ATP7A: variants seen among roughly 807,000 people sequenced by gnomAD.
ATP7A encodes the protein ATPase copper transporting alpha.
A neutral mutation model predicts 83.5 loss-of-function variants in ATP7A; 7 were observed. That is an observed-to-expected ratio of 0.08 (90% CI 0.05 to 0.16). The LOEUF (loss-of-function observed/expected upper bound fraction) is 0.16, where lower values mean the gene tolerates loss of function less well. Among genes scored for constraint, ATP7A ranks in the 10% least tolerant of loss-of-function variants. The pLI is 1.00. For missense variants in ATP7A, 940 were observed against 1,120.8 expected, an observed-to-expected ratio of 0.84 and a Z score of 2.30; for synonymous variants, 354 against 395.2, an observed-to-expected ratio of 0.90 and a Z score of 1.24.
intron 1 of ATP7A, among the ~76,000 whole-genome samples, chrX:77,920,280 A>T (rs1204212332): frequency 1.9e-5 from 2 of 102,846 alleles, no homozygotes; most frequent in Non-Finnish European, 4.0e-5. Flanking sequence ...CAGTGGTGTG[A>T]TCTCGGCTCA....
At chrX:78,024,628 C>T (rs1466080493) in intron 14 of ATP7A, among the ~76,000 whole-genome samples, 1 of 111,819 alleles carries the variant, frequency 8.9e-6, no homozygotes, top group Non-Finnish European at 1.9e-5. Flanking sequence ...GTGGCACTGT[C>T]CCAGCAAGGA....
At chrX:77,974,605 T>C (rs1249207543) in intron 2 of ATP7A, 1 of 280,685 alleles carries the variant, frequency 3.6e-6, no homozygotes, top group African/African-American at 2.8e-5. Flanking sequence ...TAGAGTTTTG[T>C]AAATACTATT....
At chrX:77,951,789 C>G (rs1471542855) in intron 1 of ATP7A, among the ~76,000 whole-genome samples, 1 of 111,615 alleles carries the variant, frequency 9.0e-6, no homozygotes, top group African/African-American at 3.3e-5. Context: ...CCATGTTGGC[C>G]AGGCTGGTCT....
intron 1 of ATP7A, among the ~76,000 whole-genome samples, chrX:77,913,989 G>A (rs1439712804): frequency 1.8e-5 from 2 of 112,039 alleles, no homozygotes; most frequent in African/African-American, 6.5e-5. Flanking sequence ...ACATTGTAGG[G>A]ATATTGTTTT....
intron 2 of ATP7A, among the ~76,000 whole-genome samples, chrX:77,972,038 A>G (rs1325615204): frequency 8.9e-6 from 1 of 111,734 alleles, no homozygotes; most frequent in Non-Finnish European, 1.9e-5. Context: ...GAGTATTTAT[A>G]TACTGTTTAT....
At chrX:78,033,461 C>T (rs782354895) in intron 16 of ATP7A, 144 bp from the exon 17 acceptor site, 37 of 559,029 alleles carry the variant, frequency 6.6e-5, no homozygotes, top group Non-Finnish European at 9.8e-5. Flanking sequence ...ATTCCTTTGT[C>T]CTTATCAAAA....
At chrX:78,020,552 G>C (rs1258088125) in intron 13 of ATP7A, among the ~76,000 whole-genome samples, 154 bp downstream of exon 13, 1 of 111,838 alleles carries the variant, frequency 8.9e-6, no homozygotes, top group Admixed American at 9.5e-5. Flanking sequence ...TCACTCTGTT[G>C]CACAGGCTGG....
intron 1 of ATP7A, among the ~76,000 whole-genome samples, chrX:77,925,561 A>C (rs1170597885): frequency 9.0e-6 from 1 of 111,175 alleles, no homozygotes; most frequent in Non-Finnish European, 1.9e-5. Context: ...TCTGCTCCAC[A>C]GTTTTCCGAA....
At chrX:78,019,520 T>G (rs1174184158) in intron 12 of ATP7A, among the ~76,000 whole-genome samples, 2 of 111,107 alleles carry the variant, frequency 1.8e-5, no homozygotes, top group Admixed American at 1.9e-4. Context: ...CAAGCTGGAG[T>G]GCAATGGCAC....
intron 4 of ATP7A, among the ~76,000 whole-genome samples, chrX:77,992,669 T>C (rs1175633998): frequency 9.0e-6 from 1 of 111,206 alleles, no homozygotes; most frequent in African/African-American, 3.3e-5. Flanking sequence ...TGAAGTGCAA[T>C]GGCATGATCT....
chrX:77,929,391 T>A (rs1327193679), intron 1 of ATP7A, among the ~76,000 whole-genome samples: 1 of 111,518 alleles, frequency 9.0e-6, no homozygotes, highest in Non-Finnish European at 1.9e-5. Flanking sequence ...TAGGCTGTAT[T>A]CTTTTCAGAC....
intron 17 of ATP7A, among the ~76,000 whole-genome samples, chrX:78,036,553 T>C (rs782700923): frequency 2.4e-4 from 27 of 110,692 alleles, no homozygotes; most frequent in African/African-American, 8.5e-4. Context: ...AATATGACAG[T>C]TTTGAGTAGA....
chrX:78,011,037 C>G (rs2077819759), intron 7 of ATP7A, 139 bp from the exon 8 acceptor site: 1 of 505,306 alleles, frequency 2.0e-6, no homozygotes, highest in African/African-American at 2.4e-5. Flanking sequence ...GCAGGAAGCA[C>G]ATCTTCATCT....
intron 22 of ATP7A, among the ~76,000 whole-genome samples, 159 bp from the exon 23 acceptor site, chrX:78,046,135 C>T (rs185628248): frequency 3.6e-5 from 4 of 112,273 alleles, no homozygotes; most frequent in African/African-American, 9.7e-5. Context: ...TATAACTCCA[C>T]ACAATTCGTT....
chrX:77,913,029 A>C (rs901203165), intron 1 of ATP7A, among the ~76,000 whole-genome samples: 2 of 112,371 alleles, frequency 1.8e-5, no homozygotes, highest in African/African-American at 6.5e-5. Context: ...GAGAGAAAAG[A>C]GTGCAAAAAT....
chrX:78,026,658 A>AT (rs2077945596), intron 14 of ATP7A, among the ~76,000 whole-genome samples: 1 of 112,007 alleles, frequency 8.9e-6, no homozygotes, highest in Non-Finnish European at 1.9e-5. Flanking sequence ...AACATGGTAC[A>AT]TTCCCTAACA....
chrX:77,948,418 G>T (rs947230806), intron 1 of ATP7A, among the ~76,000 whole-genome samples: 1 of 112,101 alleles, frequency 8.9e-6, no homozygotes, highest in Non-Finnish European at 1.9e-5. Flanking sequence ...GAGCCACCGC[G>T]CCTGGCTAAA....
chrX:77,965,279 G>A (rs2077497787), intron 1 of ATP7A, among the ~76,000 whole-genome samples: 1 of 111,435 alleles, frequency 9.0e-6, no homozygotes, highest in African/African-American at 3.3e-5. Flanking sequence ...TATCTGATAA[G>A]GGATTAATAT....
intron 10 of ATP7A, among the ~76,000 whole-genome samples, chrX:78,014,174 G>A (rs907951877): frequency 1.0e-4 from 11 of 110,375 alleles, no homozygotes; most frequent in African/African-American, 3.0e-4. Flanking sequence ...TTGGGAGGCC[G>A]AGGTGGGTGG....
Sources: gnomAD v4.1 joint callset for allele counts (sites outside exome capture counted in the v4.1 genomes callset) on GRCh38, gnomAD v4.1.1 for gene constraint, MANE v1.5 for transcripts, NCBI Gene and HGNC (gene_info 2026-07-23, HGNC 2026-07-21) for gene names.